The following CPNE8 variants were observed in gnomAD, a reference collection of about 807,000 sequenced individuals.
CPNE8 encodes the protein copine 8.
A neutral mutation model predicts 81.5 loss-of-function variants in CPNE8; 45 were observed. The ratio of observed to expected loss-of-function variants is 0.55; its 90% CI spans 0.44 to 0.71. The LOEUF (loss-of-function observed/expected upper bound fraction) is 0.71. CPNE8 is among the 30% of genes least tolerant of loss of function. The pLI, the probability that CPNE8 is intolerant of heterozygous loss-of-function variation, is 0.00. For missense variants in CPNE8, 594 were observed against 672.1 expected (o/e 0.88, Z 1.28); for synonymous variants, 252 against 226.3 (o/e 1.11, Z -1.02).
intron 14 of CPNE8, among the ~76,000 whole-genome samples, chr12:38,695,177 A>G (rs1939766736): frequency 6.6e-6 from 1 of 152,296 alleles, no homozygotes; most frequent in African/African-American, 2.4e-5. Context: ...AAAACTTGCA[A>G]TTGTAAATTC....
intron 6 of CPNE8, among the ~76,000 whole-genome samples, chr12:38,815,409 C>T (rs1435205504): frequency 6.6e-6 from 1 of 152,196 alleles, no homozygotes; most frequent in Non-Finnish European, 1.5e-5. Context: ...TCCTCTATCA[C>T]ACTGTGCCCA....
At chr12:38,722,711 T>C (rs1192607595) in intron 13 of CPNE8, among the ~76,000 whole-genome samples, 1 of 152,236 alleles carries the variant, frequency 6.6e-6, no homozygotes, top group African/African-American at 2.4e-5. Context: ...CATTTTATAC[T>C]GCAAGACAAC....
At chr12:38,905,308 C>T (rs1453767047) in intron 1 of CPNE8, 129 bp downstream of exon 1, 3 of 1,061,222 alleles carry the variant, frequency 2.8e-6, no homozygotes, top group Admixed American at 4.4e-5. Context: ...AGCCCCACTA[C>T]TGAGATATTT....
intron 13 of CPNE8, among the ~76,000 whole-genome samples, chr12:38,722,000 T>G (rs1565583792): frequency 6.6e-6 from 1 of 152,108 alleles, no homozygotes; most frequent in Non-Finnish European, 1.5e-5. Flanking sequence ...AGGCGTGGGA[T>G]GCAGGCTGGT....
chr12:38,820,481 C>A (rs961938400), intron 6 of CPNE8, among the ~76,000 whole-genome samples: 6 of 151,972 alleles, frequency 3.9e-5, no homozygotes, highest in East Asian at 1.9e-4. Flanking sequence ...AAACTAAGAA[C>A]ATTCTTAGTG....
chr12:38,667,828 G>A (rs981741200), intron 19 of CPNE8, among the ~76,000 whole-genome samples: 7 of 151,214 alleles, frequency 4.6e-5, no homozygotes, highest in African/African-American at 1.2e-4. Context: ...ACGGAGTTTC[G>A]CTCTTGTTGT....
intron 3 of CPNE8, among the ~76,000 whole-genome samples, chr12:38,852,754 T>C (rs1943665866): frequency 6.6e-6 from 1 of 152,098 alleles, no homozygotes; most frequent in African/African-American, 2.4e-5. Flanking sequence ...AATATCAAGG[T>C]TCAGAAAATA....
upstream of CPNE8, chr12:38,906,756 C>A: frequency 6.7e-6 from 2 of 298,788 alleles, no homozygotes; most frequent in Non-Finnish European, 4.9e-6. Context: ...CCTGCCTCAC[C>A]CGAGCGCCTG....
At chr12:38,722,359 C>T (rs1229569591) in intron 13 of CPNE8, among the ~76,000 whole-genome samples, 2 of 151,856 alleles carry the variant, frequency 1.3e-5, no homozygotes, top group Non-Finnish European at 2.9e-5. Flanking sequence ...TTTTGGATGC[C>T]CGTATATAGC....
intron 19 of CPNE8, among the ~76,000 whole-genome samples, chr12:38,665,459 G>T (rs887043069): frequency 1.3e-5 from 2 of 152,102 alleles, no homozygotes; most frequent in Non-Finnish European, 2.9e-5. Flanking sequence ...TAGGGAAAAT[G>T]TTCCACATGA....
chr12:38,706,531 G>A (rs1940111957), intron 13 of CPNE8, among the ~76,000 whole-genome samples: 1 of 151,914 alleles, frequency 6.6e-6, no homozygotes, highest in African/African-American at 2.4e-5. Flanking sequence ...TATCAAATAT[G>A]TTATCAAGTA....
At chr12:38,711,150 G>A (rs1940245999) in intron 13 of CPNE8, among the ~76,000 whole-genome samples, 1 of 152,160 alleles carries the variant, frequency 6.6e-6, no homozygotes, top group Non-Finnish European at 1.5e-5. Context: ...AATATTTAAA[G>A]TTGTTTTCCT....
chr12:38,799,964 C>T (rs1173749478), intron 6 of CPNE8, among the ~76,000 whole-genome samples: 1 of 149,780 alleles, frequency 6.7e-6, no homozygotes, highest in African/African-American at 2.4e-5. Context: ...TAAGAAACGG[C>T]GCACCACGAG....
At chr12:38,833,227 C>G (rs1943320109) in intron 5 of CPNE8, among the ~76,000 whole-genome samples, 1 of 151,598 alleles carries the variant, frequency 6.6e-6, no homozygotes, top group African/African-American at 2.4e-5. Context: ...GTGCTGTGTG[C>G]CTGTAATCCC....
chr12:38,795,001 T>C (rs1942422714), intron 6 of CPNE8, among the ~76,000 whole-genome samples: 1 of 152,194 alleles, frequency 6.6e-6, no homozygotes, highest in African/African-American at 2.4e-5. Flanking sequence ...TTCTTCTTTC[T>C]CCTGTGCTGG....
chr12:38,828,505 A>C (rs1160457343), intron 6 of CPNE8, among the ~76,000 whole-genome samples: 1 of 152,188 alleles, frequency 6.6e-6, no homozygotes, highest in African/African-American at 2.4e-5. Flanking sequence ...CTAAATAAAA[A>C]GTTTAATTTT....
intron 1 of CPNE8, among the ~76,000 whole-genome samples, chr12:38,884,657 A>G (rs1295040875): frequency 2.0e-5 from 3 of 152,226 alleles, no homozygotes; most frequent in Non-Finnish European, 4.4e-5. Flanking sequence ...CCAGCAATAT[A>G]TAATTGTTCC....
intron 7 of CPNE8, among the ~76,000 whole-genome samples, chr12:38,774,313 C>G (rs1941874637): frequency 1.3e-5 from 2 of 152,054 alleles, no homozygotes; most frequent in African/African-American, 2.4e-5. Context: ...TTAATATCAC[C>G]AAAAAGAACA....
At chr12:38,884,509 T>G (rs1206297822) in intron 1 of CPNE8, among the ~76,000 whole-genome samples, 1 of 152,198 alleles carries the variant, frequency 6.6e-6, no homozygotes, top group Non-Finnish European at 1.5e-5. Context: ...TTGTACAAGT[T>G]TTTATGCGGA....
Sources: allele counts gnomAD v4.1 joint callset (sites outside exome capture counted in the v4.1 genomes callset), GRCh38; gene constraint gnomAD v4.1.1; transcripts MANE v1.5; gene names NCBI Gene and HGNC (gene_info 2026-07-23, HGNC 2026-07-21).